XK: variants seen among roughly 807,000 people sequenced by gnomAD.
XK encodes the protein endoplasmic reticulum membrane adapter protein XK.
In XK, 2 loss-of-function variants were observed where a neutral mutation model predicts 14.0. The ratio of observed to expected loss-of-function variants is 0.14; its 90% CI spans 0.06 to 0.45. The LOEUF (loss-of-function observed/expected upper bound fraction) is 0.45. Ranked by LOEUF, XK falls within the 20% of genes least tolerant of loss-of-function variation. XK has a pLI of 0.98. For missense variants in XK, 235 were observed against 341.5 expected (o/e 0.69, Z 2.46); for synonymous variants, 149 against 147.5 (o/e 1.01, Z -0.08).
At chrX:37,708,086 A>G (rs782044263) in intron 2 of XK, among the ~76,000 whole-genome samples, 118 of 112,385 alleles carry the variant, frequency 1.0e-3, no homozygotes, top group African/African-American at 3.5e-3. Context: ...GGCGCCTGCA[A>G]TCTCAGGCAC....
intron 2 of XK, among the ~76,000 whole-genome samples, chrX:37,695,661 C>T (rs7059238): frequency 0.015 from 1,673 of 111,961 alleles, 33 homozygotes; most frequent in African/African-American, 0.052. Flanking sequence ...TATTTTACTT[C>T]ACTCAGTTTT....
intron 2 of XK, among the ~76,000 whole-genome samples, chrX:37,710,138 C>T (rs1441135350): frequency 4.5e-5 from 5 of 112,172 alleles, no homozygotes; most frequent in Non-Finnish European, 9.4e-5. Flanking sequence ...ATTGTTAGAC[C>T]TTAAAATTGG....
intron 2 of XK, among the ~76,000 whole-genome samples, chrX:37,711,205 G>A (rs1030323960): frequency 1.8e-5 from 2 of 112,513 alleles, no homozygotes; most frequent in African/African-American, 3.2e-5. Flanking sequence ...TAGTATGGAG[G>A]CAGGAATGGC....
rs183108018 is a variant in XK at position 37,717,570 on chromosome X, T to C, written c.509-10066T>C. Reference sequence around the variant, plus strand: ...CAGGTACTTAGGCAAGAAATCGAAATACAGCTGGGAGAAAAGAACAAAATC... The same window carrying C: ...CAGGTACTTAGGCAAGAAATCGAAACACAGCTGGGAGAAAAGAACAAAATC... On this transcript the variant is annotated intron_variant, in intron 2 of 2. Coordinates refer to ENST00000378616, the MANE Select transcript of XK (RefSeq NM_021083.4). 2.1e-3 allele frequency among the ~76,000 whole-genome samples: 233 copies of C among 111,519 alleles called. 1 individual carries two copies. The highest frequency in any genetic ancestry group is 2.7e-3 in the Non-Finnish European group (145 of 52,937).
rs970862715 is a variant in XK, at chrX:37,685,900, G to C, written c.-62G>C. ...AGCCCCTCGGGCAACGGCCGCCGCC[G>C]CCACAGCCACACAGCCGCCGCCACT... On this transcript the variant is annotated 5_prime_UTR_variant, in exon 1 of 3. Coordinates refer to ENST00000378616, the MANE Select transcript of XK (RefSeq NM_021083.4). 6.1e-6 allele frequency: 7 copies of C among 1,149,881 alleles called. No homozygotes were observed. The highest frequency in any genetic ancestry group is 7.0e-6 in the Non-Finnish European group (6 of 861,120). The allele number at this position is 1,149,881 out of a possible 1,213,427, so 94.8% of individuals were successfully genotyped here.
intron 2 of XK, among the ~76,000 whole-genome samples, chrX:37,718,908 C>T (rs1556448387): frequency 9.0e-6 from 1 of 111,092 alleles, no homozygotes; most frequent in African/African-American, 3.3e-5. Context: ...TATTTTCGCT[C>T]ATTACAAAAC....
intron 2 of XK, among the ~76,000 whole-genome samples, chrX:37,717,064 A>G (rs781796830): frequency 1.1e-4 from 12 of 111,725 alleles, no homozygotes; most frequent in Non-Finnish European, 2.1e-4. Flanking sequence ...ATAATAGAAG[A>G]CAGACGTGAA....
At chrX:37,700,044 T>A (rs1927379917) in intron 2 of XK, among the ~76,000 whole-genome samples, 1 of 111,461 alleles carries the variant, frequency 9.0e-6, no homozygotes, top group Non-Finnish European at 1.9e-5. Flanking sequence ...CTAGCTGCAG[T>A]TTCCTGTTAG....
In XK at chrX:37,728,343, G is replaced by A. The variant is rs1466316778; in HGVS notation, c.1216G>A (p.Glu406Lys). Residue 406 changes from glutamate to lysine, a missense_variant, in exon 3 of 3, where the codon GAG becomes AAG. Glu to Lys is a moderately conservative substitution (Grantham distance 56). Transcript: ENST00000378616. ...GGCCTGCAGGCAGCAAAAACCCTGTGAGCCGATAGGAAAGGAAGATCTACA... is the reference window on the plus strand; with the variant it reads ...GGCCTGCAGGCAGCAAAAACCCTGTAAGCCGATAGGAAAGGAAGATCTACA... Reference protein sequence around the residue: ...CWACRQQKPCEPIGKEDLQSS... With the variant: ...CWACRQQKPCKPIGKEDLQSS... The A allele has an allele frequency of 6.6e-6, 8 of 1,208,548 alleles. No individual in the cohort carries two copies. Among genetic ancestry groups the A allele is most frequent in the Admixed American group, 2.2e-5 (1 of 45,597 alleles).
chrX:37,696,070 T>G (rs1927301685), intron 2 of XK, among the ~76,000 whole-genome samples: 1 of 112,060 alleles, frequency 8.9e-6, no homozygotes, highest in Non-Finnish European at 1.9e-5. Flanking sequence ...TCCTCAAGTT[T>G]TTTTAGTGAA....
chrX:37,728,458 C>T lies in XK; in HGVS notation c.1331C>T (p.Ala444Val). ...TTGAATGCTGAAGATCTCTGCTCTG[C>T]TTAATGGGACCCAAGGTCTCAGAGC... ...QFLNAEDLCS[A>V] Residue 444 changes from alanine (A) to valine (V), a missense_variant, in exon 3 of 3, where the codon GCT (alanine) becomes GTT (valine). Physicochemically the swap from Ala to Val is moderately conservative, Grantham distance 64 (BLOSUM62 0). Coordinates refer to ENST00000378616, the MANE Select transcript of XK (RefSeq NM_021083.4). 1 of 1,207,271 alleles carries T rather than the reference C, an allele frequency of 8.3e-7. No homozygotes were observed. Among genetic ancestry groups the T allele is most frequent in the Non-Finnish European group, 1.1e-6 (1 of 894,151 alleles).
intron 1 of XK, among the ~76,000 whole-genome samples, chrX:37,688,055 CTTTCTTTTTT>C (rs1478918973): frequency 2.1e-4 from 13 of 62,208 alleles, no homozygotes; most frequent in African/African-American, 9.4e-4. Context: ...TTCTTTCTTT[CTTTCTTTTTT>C]TTTTTTTTTT....
intron 2 of XK, among the ~76,000 whole-genome samples, chrX:37,707,357 C>T (rs1556445469): frequency 9.0e-6 from 1 of 110,820 alleles, no homozygotes; most frequent in Non-Finnish European, 1.9e-5. Context: ...GGAGATGCTC[C>T]TCACTTCCCA....
intron 2 of XK, among the ~76,000 whole-genome samples, chrX:37,716,590 A>G (rs2146828102): frequency 9.0e-6 from 1 of 111,666 alleles, no homozygotes; most frequent in Non-Finnish European, 1.9e-5. Context: ...ACTGTACATG[A>G]GTAGCTACAT....
intron 1 of XK, among the ~76,000 whole-genome samples, chrX:37,692,681 G>A (rs1263488536): frequency 7.1e-5 from 8 of 112,273 alleles, no homozygotes; most frequent in Non-Finnish European, 1.5e-4. Flanking sequence ...GATTACAGGC[G>A]TGAGCCACTG....
chrX:37,720,331 C>T (rs781888918), intron 2 of XK, among the ~76,000 whole-genome samples: 2 of 110,087 alleles, frequency 1.8e-5, no homozygotes, highest in South Asian at 7.6e-4. Context: ...CAGATGTTTG[C>T]CTAGTTGTTC....
chrX:37,706,785 C>A (rs1295855314), intron 2 of XK, among the ~76,000 whole-genome samples: 3 of 109,374 alleles, frequency 2.7e-5, no homozygotes, highest in Non-Finnish European at 3.8e-5. Flanking sequence ...CTGCGGCCTT[C>A]TGCAGTGTTT....
intron 2 of XK, among the ~76,000 whole-genome samples, chrX:37,726,479 T>C (rs1927977212): frequency 9.0e-6 from 1 of 111,470 alleles, no homozygotes; most frequent in East Asian, 2.8e-4. Context: ...TCCTAACTCA[T>C]AGCCCTGCTT....
chrX:37,716,196 T>C (rs1413339123), intron 2 of XK, among the ~76,000 whole-genome samples: 1 of 112,156 alleles, frequency 8.9e-6, no homozygotes, highest in Non-Finnish European at 1.9e-5. Context: ...TAGTGCTGCA[T>C]AGAATTAGAG....
Sources: gnomAD v4.1 joint callset for allele counts (sites outside exome capture counted in the v4.1 genomes callset) on GRCh38, gnomAD v4.1.1 for gene constraint, MANE v1.5 for transcripts, NCBI Gene and HGNC (gene_info 2026-07-23, HGNC 2026-07-21) for gene names.